The following TBC1D23 variants were observed in gnomAD, a reference collection of about 807,000 sequenced individuals.
The protein encoded by TBC1D23 is HCV non-structural protein 4A-transactivated protein 1.
A neutral mutation model predicts 91.4 loss-of-function variants in TBC1D23; 55 were observed. The observed-to-expected ratio is 0.60, with a 90% CI of 0.48 to 0.75. The LOEUF (loss-of-function observed/expected upper bound fraction) is 0.75, where lower values mean the gene tolerates loss of function less well. Among genes scored for constraint, TBC1D23 ranks in the 30% least tolerant of loss-of-function variants. The pLI is 0.00. For synonymous variants in TBC1D23, 289 were observed against 281.0 expected, an observed-to-expected ratio of 1.03 and a Z score of -0.28; for missense variants, 725 against 836.1, an observed-to-expected ratio of 0.87 and a Z score of 1.64.
In TBC1D23 at chr3:100,278,325, T is replaced by C. The variant is rs145003385; in HGVS notation, c.54-1324T>C. Reference sequence around the variant, plus strand: ...AAAATTTGTACAGATTTTTAATGTATGCTGAAATCATAAACAATGACTGAA... The same window carrying C: ...AAAATTTGTACAGATTTTTAATGTACGCTGAAATCATAAACAATGACTGAA... On this transcript the variant is annotated intron_variant, in intron 1 of 18. Transcript: ENST00000394144. Among the ~76,000 whole-genome samples, 8 of 152,292 alleles carry C rather than the reference T, an allele frequency of 5.3e-5. No individual in the cohort carries two copies. The East Asian group carries it at 1.5e-3, about 29-fold the overall frequency.
At chr3:100,316,753 G>A (rs1705753563) in intron 16 of TBC1D23, among the ~76,000 whole-genome samples, 1 of 152,054 alleles carries the variant, frequency 6.6e-6, no homozygotes, top group African/African-American at 2.4e-5. Flanking sequence ...ACAAGATGGT[G>A]ATACTGTGTC....
rs763239942 is a variant in TBC1D23 at position 100,302,148 on chromosome 3, A to G, written c.1174A>G (p.Ile392Val). Residue 392 changes from isoleucine (I) to valine (V), a missense_variant, in exon 11 of 19, where the codon ATA (isoleucine) becomes GTA (valine). Transcript: ENST00000394144. ...AQKQSIESGS[I>V]AGGEHLCFMG... ...GAAGCAGTCCATTGAGTCTGGCTCC[A>G]TAGCTGGTGGGGAGCACCTCTGTTT... The G allele has an allele frequency of 3.7e-6, 6 of 1,613,964 alleles. No homozygotes were observed. The highest frequency in any genetic ancestry group is 2.2e-5 in the East Asian group (1 of 44,868).
chr3:100,278,409 G>A (rs1039169763), intron 1 of TBC1D23, among the ~76,000 whole-genome samples: 6 of 148,340 alleles, frequency 4.0e-5, no homozygotes, highest in Non-Finnish European at 5.9e-5. Context: ...TTTTTGAGAC[G>A]GAGTCTTGCT....
intron 9 of TBC1D23, 23 bp downstream of exon 9, chr3:100,298,068 G>A (rs768212542): frequency 1.8e-5 from 29 of 1,605,516 alleles, no homozygotes; most frequent in Admixed American, 5.1e-5. Context: ...AACCCAGTTT[G>A]TTAGGGGACT....
intron 13 of TBC1D23, among the ~76,000 whole-genome samples, chr3:100,308,247 G>T (rs532880356): frequency 6.6e-6 from 1 of 152,000 alleles, no homozygotes; most frequent in Non-Finnish European, 1.5e-5. Context: ...AGGCTGAGGC[G>T]GGCAGATCAC....
intron 15 of TBC1D23, 121 bp downstream of exon 15, chr3:100,311,998 T>C: frequency 4.5e-6 from 3 of 663,824 alleles, no homozygotes; most frequent in Non-Finnish European, 7.7e-6. Flanking sequence ...AATGCTAAAC[T>C]TTCCTCATTC....
intron 4 of TBC1D23, among the ~76,000 whole-genome samples, chr3:100,289,228 A>C (rs187383986): frequency 3.2e-4 from 48 of 151,980 alleles, no homozygotes; most frequent in African/African-American, 1.2e-3. Flanking sequence ...AAAACAAAAC[A>C]AAAAAAACCC....
intron 2 of TBC1D23, among the ~76,000 whole-genome samples, chr3:100,281,403 A>C (rs1315405192): frequency 6.6e-6 from 1 of 152,216 alleles, no homozygotes. Flanking sequence ...ATAATTTTAA[A>C]ATGTACATGG....
At chr3:100,315,940 C>T in intron 15 of TBC1D23, 159 bp from the exon 16 acceptor site, 6 of 586,810 alleles carry the variant, frequency 1.0e-5, no homozygotes, top group South Asian at 6.9e-5. Flanking sequence ...TTTTAATTTC[C>T]TTAACATAGC....
intron 1 of TBC1D23, among the ~76,000 whole-genome samples, chr3:100,272,544 A>G (rs2067608107): frequency 1.3e-5 from 2 of 152,174 alleles, no homozygotes; most frequent in South Asian, 2.1e-4. Flanking sequence ...CGTTAGGTGG[A>G]ACGAGAGACT....
intron 1 of TBC1D23, among the ~76,000 whole-genome samples, chr3:100,270,325 T>C (rs2067590363): frequency 6.6e-6 from 1 of 152,168 alleles, no homozygotes; most frequent in Admixed American, 6.6e-5. Context: ...GAGAGTGTTT[T>C]AAGAAGACAG....
intron 13 of TBC1D23, among the ~76,000 whole-genome samples, chr3:100,309,652 C>T (rs554986946): frequency 1.1e-4 from 15 of 132,720 alleles, no homozygotes; most frequent in South Asian, 2.5e-4. Context: ...CGCTCTGTCG[C>T]GCAGACTGGA....
chr3:100,315,503 G>C (rs1705727233), intron 15 of TBC1D23, among the ~76,000 whole-genome samples: 1 of 152,084 alleles, frequency 6.6e-6, no homozygotes, highest in Non-Finnish European at 1.5e-5. Flanking sequence ...CACAACAAAA[G>C]TAGAATCTTC....
intron 1 of TBC1D23, chr3:100,267,305 T>G (rs1299179374): frequency 2.3e-6 from 1 of 427,394 alleles, no homozygotes; most frequent in African/African-American, 2.1e-5. Context: ...AAATAAAGAA[T>G]TTAAGAGCCA....
Position 100,320,558 on chromosome 3 carries a change from A to C in TBC1D23, c.1824-219A>C, listed in dbSNP as rs562664132. Among the ~76,000 whole-genome samples, 16 of 152,252 alleles carry C rather than the reference A, an allele frequency of 1.1e-4. No individual in the cohort carries two copies. In the South Asian group the frequency reaches 3.3e-3, roughly 32 times the overall value. On this transcript the variant is annotated intron_variant, in intron 17 of 18. Coordinates refer to ENST00000394144, the MANE Select transcript of TBC1D23 (RefSeq NM_001199198.3). ...TATTATATTTATTATATTTTCAATC[A>C]TTGCAGGATTATCTGTTAATAAAAT...
chr3:100,314,918 A>C (rs1202875111), intron 15 of TBC1D23, among the ~76,000 whole-genome samples: 1 of 152,190 alleles, frequency 6.6e-6, no homozygotes, highest in African/African-American at 2.4e-5. Flanking sequence ...CTTCCTTTGT[A>C]GTAGGTAATT....
intron 1 of TBC1D23, among the ~76,000 whole-genome samples, chr3:100,265,058 A>T (rs1436884873): frequency 2.0e-5 from 3 of 152,206 alleles, no homozygotes; most frequent in Non-Finnish European, 4.4e-5. Flanking sequence ...AGGAATTTGT[A>T]TATGTCACAT....
At chr3:100,303,575 A>G (rs920717295) in intron 11 of TBC1D23, among the ~76,000 whole-genome samples, 1 of 152,084 alleles carries the variant, frequency 6.6e-6, no homozygotes, top group African/African-American at 2.4e-5. Context: ...GTTCAAGACC[A>G]CCCTGGGCAA....
intron 13 of TBC1D23, among the ~76,000 whole-genome samples, chr3:100,308,418 T>C (rs1403062044): frequency 6.6e-6 from 1 of 150,600 alleles, no homozygotes; most frequent in Non-Finnish European, 1.5e-5. Context: ...GAGCTTGCAG[T>C]GAGCCCACAT....
Sources: allele counts gnomAD v4.1 joint callset (sites outside exome capture counted in the v4.1 genomes callset), GRCh38; gene constraint gnomAD v4.1.1; transcripts MANE v1.5; gene names NCBI Gene and HGNC (gene_info 2026-07-23, HGNC 2026-07-21).